The following PCDHGA3 variants were observed in gnomAD, a reference collection of about 807,000 sequenced individuals.
The protein encoded by PCDHGA3 is protocadherin gamma-A3.
In PCDHGA3, 40 loss-of-function variants were observed where a neutral mutation model predicts 58.5. That is an observed-to-expected ratio of 0.68 (90% CI 0.53 to 0.89). The LOEUF (loss-of-function observed/expected upper bound fraction) is 0.89, where lower values mean the gene tolerates loss of function less well. Ranked by LOEUF, PCDHGA3 falls within the 40% of genes least tolerant of loss-of-function variation. The probability of loss-of-function intolerance (pLI) is 0.00; values close to 1 mark genes in which losing one functional copy is unlikely to be tolerated. For missense variants in PCDHGA3, 1,223 were observed against 1,195.9 expected (o/e 1.02, Z -0.33); for synonymous variants, 530 against 525.7 (o/e 1.01, Z -0.11).
chr5:141,385,360 T>C, intron 1 of PCDHGA3: 1 of 1,545,774 alleles, frequency 6.5e-7, no homozygotes, highest in South Asian at 1.3e-5. Context: ...ATGAGGAATT[T>C]ATTTGCATGA....
chr5:141,427,087 A>T, intron 1 of PCDHGA3: 1 of 458,198 alleles, frequency 2.2e-6, no homozygotes, highest in Non-Finnish European at 4.4e-6. Flanking sequence ...ACTGACCAGG[A>T]TGAGGGTGTC....
At position 141,356,528 on chromosome 5, in the gene PCDHGA3, T is replaced by C. The variant is rs755912138; in HGVS notation, c.2424+10071T>C. On this transcript the variant is annotated intron_variant, in intron 1 of 3. Transcript: ENST00000253812. ...GAAACTCATATTTCACTGCAAGTGA[T>C]GGACATCAATGACAACCCACCCACT... is the stretch of plus-strand genomic sequence containing the variant. 7.4e-6 allele frequency: 12 copies of C among 1,613,866 alleles called. 1 individual carries two copies. In the Admixed American group the frequency reaches 1.8e-4, roughly 25 times the overall value.
intron 1 of PCDHGA3, chr5:141,413,929 CGAGTGAGTGTTCCT>C: frequency 6.2e-7 from 1 of 1,613,342 alleles, no homozygotes; most frequent in Non-Finnish European, 8.5e-7. Flanking sequence ...GCCAGAATAC[CGAGTGAGTGTTCCT>C]GAGAATTTGC....
At chr5:141,480,927 C>T (rs1562083028) in intron 1 of PCDHGA3, among the ~76,000 whole-genome samples, 1 of 152,090 alleles carries the variant, frequency 6.6e-6, no homozygotes, top group Non-Finnish European at 1.5e-5. Context: ...TACCTGTAGT[C>T]CCAGCTACTC....
chr5:141,346,155 G>C lies in PCDHGA3; in HGVS notation c.2122G>C (p.Val708Leu), dbSNP rs753087531. 3 of 1,613,988 alleles carry C rather than the reference G, an allele frequency of 1.9e-6. No homozygotes were observed. The Admixed American group carries it at 5.0e-5, about 27-fold the overall frequency. The stretch of plus-strand genomic sequence containing the variant: ...GGTCTCCTGCGTCTTCCTGGCCTTC[G>C]TCATCGTGCTGCTGGCGCTCAGGCT... ...AAVSCVFLAFVIVLLALRLRR... is the reference protein window; with the variant it reads ...AAVSCVFLAFLIVLLALRLRR... Residue 708 changes from valine (V) to leucine (L), a missense_variant, in exon 1 of 4, where the codon GTC (valine) becomes CTC (leucine). This residue lies in a region of PCDHGA3 where 325 missense variants were observed against 327.5 expected (regional missense o/e 0.99). Coordinates refer to ENST00000253812, the MANE Select transcript of PCDHGA3 (RefSeq NM_018916.4).
intron 1 of PCDHGA3, among the ~76,000 whole-genome samples, chr5:141,349,127 G>A (rs557742918): frequency 6.6e-5 from 10 of 152,174 alleles, no homozygotes; most frequent in South Asian, 2.1e-4. Context: ...ATGGACTTCA[G>A]TGGCATGATC....
chr5:141,375,941 G>T, intron 1 of PCDHGA3: 1 of 1,613,580 alleles, frequency 6.2e-7, no homozygotes, highest in South Asian at 1.1e-5. Flanking sequence ...TTTCTCAGTG[G>T]GCCTGCACAC....
At chr5:141,500,914 G>T (rs1237339394) in intron 2 of PCDHGA3, among the ~76,000 whole-genome samples, 2 of 151,130 alleles carry the variant, frequency 1.3e-5, no homozygotes, top group Non-Finnish European at 2.9e-5. Flanking sequence ...CTGTCTCCAG[G>T]CTGGGGTGCA....
At chr5:141,444,299 G>A (rs1017908182) in intron 1 of PCDHGA3, among the ~76,000 whole-genome samples, 20 of 150,672 alleles carry the variant, frequency 1.3e-4, no homozygotes, top group Non-Finnish European at 2.7e-4. Context: ...AGCCTCCCTA[G>A]TAGCTAGGAT....
Position 141,487,323 on chromosome 5 carries a change from G to T in PCDHGA3, c.2425-7484G>T. The T allele has an allele frequency of 6.2e-7, 1 of 1,614,100 alleles. No homozygotes were observed. The highest frequency in any genetic ancestry group is 8.5e-7 in the Non-Finnish European group (1 of 1,180,004). On this transcript the variant is annotated intron_variant, in intron 1 of 3. Coordinates refer to ENST00000253812, the MANE Select transcript of PCDHGA3 (RefSeq NM_018916.4). This position sits in a 1 kb window ranked among gnomAD's most constrained non-coding sequence, Gnocchi z 5.0. ...GTGGCACTACTCTCTAAGTGTCTTC[G>T]TGGGGCAGCCTGTGGAGTCACATGC... is the stretch of plus-strand genomic sequence containing the variant.
At chr5:141,375,990 A>T (rs1451403518) in intron 1 of PCDHGA3, 1 of 1,613,398 alleles carries the variant, frequency 6.2e-7, no homozygotes, top group African/African-American at 1.3e-5. Flanking sequence ...CTGGACAGAG[A>T]CGCGCTCAAG....
chr5:141,370,167 G>A, intron 1 of PCDHGA3: 3 of 459,112 alleles, frequency 6.5e-6, no homozygotes, highest in Non-Finnish European at 1.1e-5. Context: ...TGCAGCAGAG[G>A]CGCCGGGTGC....
intron 1 of PCDHGA3, among the ~76,000 whole-genome samples, chr5:141,438,511 C>G (rs1436337566): frequency 6.8e-6 from 1 of 146,550 alleles, no homozygotes; most frequent in Non-Finnish European, 1.5e-5. Context: ...AGTGCAAAAC[C>G]AATTATTTTA....
chr5:141,508,270 G>C lies in PCDHGA3; in HGVS notation c.2573-2677G>C, dbSNP rs547745015. On this transcript the variant is annotated intron_variant, in intron 3 of 3. Coordinates refer to ENST00000253812, the MANE Select transcript of PCDHGA3 (RefSeq NM_018916.4). Reference sequence around the variant, plus strand: ...TCTCCTGGGACCAAGAGAAAATCCCGGTCCTTGACCAAGGTGGGCCTTGGG... The same window carrying C: ...TCTCCTGGGACCAAGAGAAAATCCCCGTCCTTGACCAAGGTGGGCCTTGGG... 4 of 152,228 alleles carry C rather than the reference G, an allele frequency of 2.6e-5. No individual in the cohort carries two copies. The East Asian group carries it at 7.7e-4, about 29-fold the overall frequency. 9.4% of individuals were successfully genotyped at this position (152,228 alleles called of 1,614,324 possible). A position where few individuals can be genotyped will look rare whatever the true frequency, so the allele number is the denominator to read the frequency against.
intron 1 of PCDHGA3, chr5:141,420,067 A>C (rs2096463342): frequency 6.2e-7 from 1 of 1,614,034 alleles, no homozygotes; most frequent in Non-Finnish European, 8.5e-7. Flanking sequence ...CCAAGTCCGG[A>C]CCTGTGGGTC....
intron 1 of PCDHGA3, among the ~76,000 whole-genome samples, chr5:141,455,803 A>C (rs1197986124): frequency 2.6e-5 from 4 of 152,068 alleles, no homozygotes; most frequent in Non-Finnish European, 4.4e-5. Flanking sequence ...TGCTTTAAAA[A>C]ATGAAAACTT....
At position 141,410,315 on chromosome 5, in the gene PCDHGA3, C is replaced by G. The variant is rs781293010; in HGVS notation, c.2424+63858C>G. 3 of 1,614,040 alleles carry G rather than the reference C, an allele frequency of 1.9e-6. No homozygotes were observed. In the East Asian group the frequency reaches 6.7e-5, roughly 36 times the overall value. On this transcript the variant is annotated intron_variant, in intron 1 of 3. Coordinates refer to ENST00000253812, the MANE Select transcript of PCDHGA3 (RefSeq NM_018916.4). ...GGCCTTAATCTCAGTGCTCTTCCTCCTCGCCGTGATTCTGGCCATTGCCTT... is the reference window on the plus strand; with the variant it reads ...GGCCTTAATCTCAGTGCTCTTCCTCGTCGCCGTGATTCTGGCCATTGCCTT...
At position 141,344,157 on chromosome 5, in the gene PCDHGA3, G is replaced by A. The variant is rs928955650; in HGVS notation, c.124G>A (p.Gly42Ser). 2 of 1,614,056 alleles carry A rather than the reference G, an allele frequency of 1.2e-6. No individual in the cohort carries two copies. The highest frequency in any genetic ancestry group is 1.7e-6 in the Non-Finnish European group (2 of 1,179,910). The change falls in exon 1 of 4, where the codon GGT (glycine) becomes AGT (serine). Residue 42 changes from glycine (G) to serine (S), a missense_variant. Gly to Ser is a moderately conservative substitution (Grantham distance 56). Around this residue, in one of 3 missense-constraint regions of PCDHGA3, gnomAD observed 791 missense variants for 708.5 expected, o/e 1.12. Coordinates refer to ENST00000253812, the MANE Select transcript of PCDHGA3 (RefSeq NM_018916.4). ...RYSVSEELDK[G>S]SFVGNIANDL... The stretch of plus-strand genomic sequence containing the variant: ...CTCGGTGTCTGAGGAGCTAGATAAA[G>A]GTTCCTTCGTGGGCAACATCGCTAA...
intron 1 of PCDHGA3, chr5:141,400,651 C>G (rs2094056317): frequency 8.6e-7 from 1 of 1,166,874 alleles, no homozygotes; most frequent in African/African-American, 1.5e-5. Flanking sequence ...GAAAGCTGTC[C>G]TACCATTCTT....
Sources: allele counts gnomAD v4.1 joint callset (sites outside exome capture counted in the v4.1 genomes callset), GRCh38; gene constraint gnomAD v4.1.1; regional missense constraint gnomAD v4.1.1; non-coding constraint Gnocchi (gnomAD v3.1); transcripts MANE v1.5; gene names NCBI Gene and HGNC (gene_info 2026-07-23, HGNC 2026-07-21).